The following CPHXL variants were observed in gnomAD, a reference collection of about 807,000 sequenced individuals.
The protein encoded by CPHXL is cytoplasmic polyadenylated homeobox-like protein.
intron 1 of CPHXL, among the ~76,000 whole-genome samples, chr16:75,721,456 G>A (rs1250961133): frequency 6.6e-6 from 1 of 152,218 alleles, no homozygotes; most frequent in Non-Finnish European, 1.5e-5. Flanking sequence ...TGCAATCCTA[G>A]TCTCGGATAA....
intron 2 of CPHXL, among the ~76,000 whole-genome samples, chr16:75,716,108 C>G (rs75871452): frequency 0.064 from 9,542 of 149,304 alleles, 442 homozygotes; most frequent in African/African-American, 0.12. Context: ...TGTTGTATGA[C>G]TCTCTGAGGG....
intron 2 of CPHXL, among the ~76,000 whole-genome samples, chr16:75,717,863 C>T (rs923824162): frequency 5.3e-5 from 8 of 152,154 alleles, no homozygotes; most frequent in South Asian, 2.1e-4. Flanking sequence ...CCCATTTCTT[C>T]GAATTCTGTA....
chr16:75,716,118 GAA>G lies in CPHXL; in HGVS notation c.220-898_220-897del, dbSNP rs111346751. 1.5e-4 allele frequency among the ~76,000 whole-genome samples: 22 copies of G among 146,830 alleles called. No individual in the cohort carries two copies. In the East Asian group the frequency reaches 2.4e-3, roughly 16 times the overall value. ...CTATTTGTTGTATGACTCTCTGAGG[GAA>G]AAAAAAAAACATTTTTCCTCTGCTC... On this transcript the variant is annotated intron_variant, in intron 2 of 2. Transcript: ENST00000640559.
chr16:75,721,107 T>A (rs909275544), intron 1 of CPHXL, among the ~76,000 whole-genome samples: 1 of 151,968 alleles, frequency 6.6e-6, no homozygotes, highest in African/African-American at 2.4e-5. Flanking sequence ...AGGAAGCACT[T>A]AACATGGAAA....
rs116508120 is a variant in CPHXL, at chr16:75,715,503, C to T, written c.220-281G>A. Among the ~76,000 whole-genome samples the T allele has an allele frequency of 7.6e-3, 1,160 of 152,280 alleles. 14 individuals are homozygous for T. The highest frequency in any genetic ancestry group is 0.027 in the African/African-American group (1,116 of 41,560). On this transcript the variant is annotated intron_variant, in intron 2 of 2. Transcript: ENST00000640559. The stretch of plus-strand genomic sequence containing the variant: ...TGAACCTTGGCTTCCCAGAATCTCT[C>T]CCCAACCTGTTTGTGACCCATTTGC...
At position 75,726,459 on chromosome 16, in the gene CPHXL, T is replaced by C. The variant is rs1597224461; in HGVS notation, c.-17A>G. 2.5e-6 allele frequency: 1 copy of C among 398,608 alleles called. No homozygotes were observed. Among genetic ancestry groups the C allele is most frequent in the South Asian group, 1.3e-4 (1 of 7,852 alleles). The allele number at this position is 398,608 out of a possible 1,614,324, so 24.7% of individuals were successfully genotyped here. On this transcript the variant is annotated 5_prime_UTR_variant, in exon 1 of 3. Coordinates refer to ENST00000640559, the MANE Select transcript of CPHXL (RefSeq NM_001355613.1). ...CAAATTCATCTTGGGGTAGAAGACC[T>C]GGACTTCACGGAGACCAGCAAGCAA...
Position 75,714,436 on chromosome 16 carries a change from T to G in CPHXL, c.1006A>C (p.Met336Leu), listed in dbSNP as rs146263031. The G allele has an allele frequency of 1.0e-5, 4 of 398,472 alleles. No homozygotes were observed. Among genetic ancestry groups the G allele is most frequent in the Non-Finnish European group, 1.8e-5 (4 of 226,070 alleles). 24.7% of individuals were successfully genotyped at this position (398,472 alleles called of 1,614,324 possible). ...EGMMLQEQLP[M>L]DSGPWDLGKQ... ...CCTAGATCCCAAGGACCCGAGTCCA[T>G]TGGGAGCTGTTCCTGCAACATCATC... Residue 336 changes from methionine to leucine, a missense_variant, in exon 3 of 3, where the codon ATG (methionine) becomes CTG (leucine). Physicochemically the swap from Met to Leu is conservative, Grantham distance 15. Coordinates refer to ENST00000640559, the MANE Select transcript of CPHXL (RefSeq NM_001355613.1).
At chr16:75,725,094 G>A (rs1959535536) in intron 1 of CPHXL, among the ~76,000 whole-genome samples, 1 of 147,140 alleles carries the variant, frequency 6.8e-6, no homozygotes, top group Admixed American at 6.8e-5. Context: ...ATGGACACAG[G>A]AAGGGGAACA....
rs1470992401 is a variant in CPHXL at position 75,722,883 on chromosome 16, A to T, written c.25+3535T>A. ...ACTAGCAAACTGAATCCAGCAGCAC[A>T]TGAAAAAGCTCATCCACCATGATCA... On this transcript the variant is annotated intron_variant, in intron 1 of 2. Transcript: ENST00000640559. Among the ~76,000 whole-genome samples the T allele has an allele frequency of 2.0e-5, 3 of 152,214 alleles. No individual in the cohort carries two copies. In the East Asian group the frequency reaches 5.8e-4, roughly 29 times the overall value.
rs576545696 is a variant in CPHXL at position 75,726,474 on chromosome 16, C to CCAGCAAGCAACTGAGAT, written c.-33_-32insATCTCAGTTGCTTGCTG. The CCAGCAAGCAACTGAGAT allele has an allele frequency of 6.8e-5, 27 of 398,440 alleles. No individual in the cohort carries two copies. The highest frequency in any genetic ancestry group is 5.8e-5 in the Non-Finnish European group (13 of 226,074). 24.7% of individuals were successfully genotyped at this position (398,440 alleles called of 1,614,324 possible). A position where few individuals can be genotyped will look rare whatever the true frequency, so the allele number is the denominator to read the frequency against. On this transcript the variant is annotated 5_prime_UTR_variant, in exon 1 of 3. Transcript: ENST00000640559. ...GTAGAAGACCTGGACTTCACGGAGA[C>CCAGCAAGCAACTGAGAT]CAGCAAGCAACTGAGATCAGCAAGC...
intron 1 of CPHXL, among the ~76,000 whole-genome samples, chr16:75,726,176 C>T (rs1397280788): frequency 2.6e-5 from 4 of 152,126 alleles, no homozygotes; most frequent in Non-Finnish European, 2.9e-5. Context: ...ATTCTTTTCT[C>T]CACTTAAAGT....
chr16:75,726,060 C>G (rs1959554847), intron 1 of CPHXL, among the ~76,000 whole-genome samples: 1 of 145,174 alleles, frequency 6.9e-6, no homozygotes, highest in African/African-American at 2.5e-5. Context: ...AGAGGTAAAA[C>G]TTGTGGAACA....
chr16:75,718,210 C>A (rs921060276), intron 2 of CPHXL, 55 bp downstream of exon 2: 2 of 397,002 alleles, frequency 5.0e-6, no homozygotes, highest in African/African-American at 2.1e-5. Flanking sequence ...AGGAGTGAGA[C>A]CTTGTCTAAA....
At position 75,725,184 on chromosome 16, in the gene CPHXL, G is replaced by A. The variant is rs145229362; in HGVS notation, c.25+1234C>T. On this transcript the variant is annotated intron_variant, in intron 1 of 2. Transcript: ENST00000640559. ...AGATGTGCCTAATGTTAAATGACGA[G>A]TTAATGGGTGCAGCACACCAACATG... is the stretch of plus-strand genomic sequence containing the variant. 4.1e-3 allele frequency among the ~76,000 whole-genome samples: 628 copies of A among 152,040 alleles called. 2 individuals are homozygous for A. Among genetic ancestry groups the A allele is most frequent in the Non-Finnish European group, 6.5e-3 (444 of 67,976 alleles).
intron 1 of CPHXL, among the ~76,000 whole-genome samples, chr16:75,723,519 A>G (rs1308625459): frequency 6.6e-6 from 1 of 152,228 alleles, no homozygotes; most frequent in Admixed American, 6.5e-5. Flanking sequence ...AAAGAGAATA[A>G]AATACCTAGG....
chr16:75,720,584 C>G (rs910680855), intron 1 of CPHXL, among the ~76,000 whole-genome samples: 6 of 152,098 alleles, frequency 3.9e-5, no homozygotes, highest in African/African-American at 1.4e-4. Context: ...ACAAAGCCTC[C>G]AAGAAATATG....
intron 1 of CPHXL, among the ~76,000 whole-genome samples, chr16:75,724,419 A>G (rs181222848): frequency 0.11 from 16,713 of 152,116 alleles, 2,303 homozygotes; most frequent in East Asian, 0.65. Context: ...AACTCAAACA[A>G]ATTTACAAGA....
At chr16:75,725,492 G>C (rs1268634336) in intron 1 of CPHXL, among the ~76,000 whole-genome samples, 1 of 146,132 alleles carries the variant, frequency 6.8e-6, no homozygotes, top group Non-Finnish European at 1.5e-5. Context: ...TCGCTCTGTC[G>C]CCCAGGCTGG....
chr16:75,723,140 T>C (rs1015352775), intron 1 of CPHXL, among the ~76,000 whole-genome samples: 2 of 152,152 alleles, frequency 1.3e-5, no homozygotes, highest in Non-Finnish European at 2.9e-5. Context: ...CCACAGCCAA[T>C]ATCATACTGA....
Sources: gnomAD v4.1 joint callset for allele counts (sites outside exome capture counted in the v4.1 genomes callset) on GRCh38, gnomAD v4.1.1 for gene constraint, MANE v1.5 for transcripts, NCBI Gene and HGNC (gene_info 2026-07-23, HGNC 2026-07-21) for gene names.